Variants in GNAO1 observed in about 807,000 individuals in gnomAD.
GNAO1 encodes guanine nucleotide-binding protein G(o) subunit alpha.
For missense variants in GNAO1, 166 were observed against 478.7 expected (o/e 0.35, Z 6.10); for synonymous variants, 164 against 180.7 (o/e 0.91, Z 0.74).
chr16:56,319,943 T>C (rs1253868560), intron 3 of GNAO1, among the ~76,000 whole-genome samples: 1 of 152,184 alleles, frequency 6.6e-6, no homozygotes, highest in Non-Finnish European at 1.5e-5. Flanking sequence ...TCCCCAAAAG[T>C]GCCTCATCTC....
intron 2 of GNAO1, among the ~76,000 whole-genome samples, chr16:56,239,911 G>C (rs1347213973): frequency 6.6e-6 from 1 of 152,212 alleles, no homozygotes; most frequent in African/African-American, 2.4e-5. Context: ...GGGGTAGGGG[G>C]TGCAGGTCTC....
intron 2 of GNAO1, among the ~76,000 whole-genome samples, chr16:56,267,299 T>C (rs2036964572): frequency 6.6e-6 from 1 of 152,180 alleles, no homozygotes; most frequent in Non-Finnish European, 1.5e-5. Context: ...TTGAGTCAGC[T>C]TGCTGTTCAT....
intron 2 of GNAO1, among the ~76,000 whole-genome samples, chr16:56,225,174 T>C (rs2036523348): frequency 1.3e-5 from 2 of 152,392 alleles, no homozygotes; most frequent in African/African-American, 4.8e-5. Flanking sequence ...GCATTTATGC[T>C]GTCTCATTGG....
intron 3 of GNAO1, among the ~76,000 whole-genome samples, chr16:56,315,761 G>A: frequency 6.6e-6 from 1 of 152,100 alleles, no homozygotes; most frequent in East Asian, 1.9e-4. Context: ...AAGTGAGCAG[G>A]GGCCAGGCAC....
intron 6 of GNAO1, chr16:56,347,756 T>TGCCAA: frequency 1.1e-6 from 1 of 918,338 alleles, no homozygotes; most frequent in Non-Finnish European, 1.3e-6. Context: ...GTCCTCCCCT[T>TGCCAA]CCCTCCCCAC....
intron 3 of GNAO1, among the ~76,000 whole-genome samples, chr16:56,320,869 C>A (rs997442016): frequency 6.6e-6 from 1 of 152,218 alleles, no homozygotes; most frequent in African/African-American, 2.4e-5. Context: ...CTCCTTCATG[C>A]CTCAGGCAGA....
chr16:56,277,827 A>G (rs966006319), intron 3 of GNAO1, among the ~76,000 whole-genome samples: 5 of 99,258 alleles, frequency 5.0e-5, no homozygotes, highest in Admixed American at 1.0e-4. Context: ...ACACACACAC[A>G]CACACACACA....
At position 56,329,447 on chromosome 16, in the gene GNAO1, C is replaced by T. The variant is rs1248560182; in HGVS notation, c.464+656C>T. 5.9e-5 allele frequency among the ~76,000 whole-genome samples: 9 copies of T among 152,136 alleles called. No individual in the cohort carries two copies. In the South Asian group the frequency reaches 6.2e-4, roughly 11 times the overall value. On this transcript the variant is annotated intron_variant, in intron 4 of 8. Coordinates refer to ENST00000262493, the MANE Select transcript of GNAO1 (RefSeq NM_020988.3). ...GCTGGAGCTGGTTAGAAGGTGCTCC[C>T]GGCTCTTCCCATCACAGCAGGTCAC...
intron 2 of GNAO1, among the ~76,000 whole-genome samples, chr16:56,211,348 A>G (rs1048416849): frequency 6.6e-6 from 1 of 152,200 alleles, no homozygotes; most frequent in African/African-American, 2.4e-5. Flanking sequence ...CTGTTGCTCT[A>G]TCAAGCATAC....
At position 56,195,975 on chromosome 16, in the gene GNAO1, T is replaced by G. The variant is rs555058018; in HGVS notation, c.161+3359T>G. On this transcript the variant is annotated intron_variant, in intron 2 of 8. Coordinates refer to ENST00000262493, the MANE Select transcript of GNAO1 (RefSeq NM_020988.3). The stretch of plus-strand genomic sequence containing the variant: ...CAAAGGGTTAACATCTTCATCAGCC[T>G]AGGAACATTGCAGAGATACTGACAT... Among the ~76,000 whole-genome samples, 403 of 152,246 alleles carry G rather than the reference T, an allele frequency of 2.6e-3. 2 individuals are homozygous for G. The highest frequency in any genetic ancestry group is 4.2e-3 in the Non-Finnish European group (285 of 68,016).
intron 3 of GNAO1, among the ~76,000 whole-genome samples, chr16:56,320,304 T>C (rs2037557895): frequency 6.6e-6 from 1 of 152,122 alleles, no homozygotes; most frequent in Admixed American, 6.5e-5. Context: ...CGTGGAGCCG[T>C]GTATACTCGT....
chr16:56,209,736 C>T (rs1410042049), intron 2 of GNAO1, among the ~76,000 whole-genome samples: 3 of 151,934 alleles, frequency 2.0e-5, no homozygotes, highest in African/African-American at 7.3e-5. Context: ...GTAATTGCTT[C>T]TTTTTTTTAA....
chr16:56,300,444 T>C (rs1353031120), intron 3 of GNAO1, among the ~76,000 whole-genome samples: 1 of 152,214 alleles, frequency 6.6e-6, no homozygotes, highest in African/African-American at 2.4e-5. Context: ...CTCCACTGAC[T>C]GGTCACCGTG....
At chr16:56,327,071 G>A (rs1334194190) in intron 3 of GNAO1, among the ~76,000 whole-genome samples, 2 of 152,090 alleles carry the variant, frequency 1.3e-5, no homozygotes, top group Non-Finnish European at 2.9e-5. Flanking sequence ...AAGTGGAGAT[G>A]GTAATACTAC....
chr16:56,286,437 G>A (rs2037168687), intron 3 of GNAO1, among the ~76,000 whole-genome samples: 1 of 152,110 alleles, frequency 6.6e-6, no homozygotes, highest in South Asian at 2.1e-4. Flanking sequence ...ACACATGTGG[G>A]GAGTGGGGGC....
intron 3 of GNAO1, among the ~76,000 whole-genome samples, chr16:56,308,761 G>A (rs1487858014): frequency 1.3e-5 from 2 of 152,210 alleles, no homozygotes; most frequent in African/African-American, 4.8e-5. Context: ...GGCGCCCAGA[G>A]AAGAGGAGAA....
intron 2 of GNAO1, among the ~76,000 whole-genome samples, chr16:56,255,130 G>A (rs765883116): frequency 2.0e-4 from 31 of 152,102 alleles, no homozygotes; most frequent in Non-Finnish European, 3.5e-4. Flanking sequence ...TTCCCTTGTA[G>A]TATGTCCCTT....
At chr16:56,329,912 G>C (rs925157843) in intron 4 of GNAO1, among the ~76,000 whole-genome samples, 3 of 152,208 alleles carry the variant, frequency 2.0e-5, no homozygotes, top group Non-Finnish European at 4.4e-5. Context: ...ATAGTGTGCA[G>C]GACGGCCCCC....
At chr16:56,343,683 A>G in intron 6 of GNAO1, 1 of 1,176,296 alleles carries the variant, frequency 8.5e-7, no homozygotes, top group Non-Finnish European at 1.2e-6. Flanking sequence ...GGATGGCCAC[A>G]CAGGCCAGGC....
Sources: allele counts gnomAD v4.1 joint callset (sites outside exome capture counted in the v4.1 genomes callset), GRCh38; gene constraint gnomAD v4.1.1; transcripts MANE v1.5; gene names NCBI Gene and HGNC (gene_info 2026-07-23, HGNC 2026-07-21).